Variants in NBPF20 observed in about 807,000 individuals in gnomAD.
NBPF20 encodes the protein NBPF family member NBPF20.
In NBPF20, 90 loss-of-function variants were observed where a neutral mutation model predicts 68.1. The observed-to-expected ratio is 1.32, with a 90% CI of 1.11 to 1.58. NBPF20 has a LOEUF of 1.58. Among genes scored for constraint, NBPF20 ranks in the 40% most tolerant of loss-of-function variants. The probability of loss-of-function intolerance (pLI) is 0.00; values close to 1 mark genes in which losing one functional copy is unlikely to be tolerated. For synonymous variants in NBPF20, 290 were observed against 228.1 expected (o/e 1.27, Z -2.45); for missense variants, 816 against 601.2 (o/e 1.36, Z -3.74).
chr1:145,393,516 G>T (rs1327610915), intron 9 of NBPF20, among the ~76,000 whole-genome samples: 1 of 151,592 alleles, frequency 6.6e-6, no homozygotes, highest in Non-Finnish European at 1.5e-5. Flanking sequence ...AATTGGTCAG[G>T]TGACACACTG....
At position 145,393,337 on chromosome 1, in the gene NBPF20, T is replaced by A. The variant is rs1274106636; in HGVS notation, c.1044-91A>T. 7.3e-6 allele frequency: 5 copies of A among 687,672 alleles called. No homozygotes were observed. In the African/African-American group the frequency reaches 9.2e-5, roughly 13 times the overall value. The allele number at this position is 687,672 out of a possible 1,614,324, so 42.6% of individuals were successfully genotyped here. ...ATTTCATGGCTAACGTAAGGAAGAG[T>A]TTGAAAAGAAAAAGGACAGATCCAT... On this transcript the variant is annotated intron_variant, in intron 9 of 137. Coordinates refer to ENST00000369373, the Ensembl canonical transcript of NBPF20.
chr1:145,417,502 C>T, the NBPF20 span, among the ~76,000 whole-genome samples: 1 of 146,622 alleles, frequency 6.8e-6, no homozygotes, highest in Non-Finnish European at 1.5e-5. Flanking sequence ...GTGTGAAAGA[C>T]ACTGTTAAGA....
the NBPF20 span, among the ~76,000 whole-genome samples, chr1:145,421,578 A>G: frequency 6.6e-6 from 1 of 152,160 alleles, no homozygotes; most frequent in Non-Finnish European, 1.5e-5. Flanking sequence ...AGTACTGAGA[A>G]TACAGTGGTG....
At chr1:145,400,149 C>G (rs1662449613) in intron 6 of NBPF20, among the ~76,000 whole-genome samples, 1 of 152,138 alleles carries the variant, frequency 6.6e-6, no homozygotes, top group African/African-American at 2.4e-5. Flanking sequence ...GCCTGTGCAC[C>G]TCCTGCACTC....
chr1:145,402,231 G>A (rs1662555116), exon 4 of NBPF20: 2 of 1,607,132 alleles, frequency 1.2e-6, no homozygotes, highest in South Asian at 1.1e-5. Flanking sequence ...GTTCTTGGAG[G>A]TCCTGCCCCT....
chr1:145,412,257 T>C, the NBPF20 span, among the ~76,000 whole-genome samples: 1 of 152,050 alleles, frequency 6.6e-6, no homozygotes, highest in Non-Finnish European at 1.5e-5. Context: ...TTTCGGCTAC[T>C]TTGTTTTTGG....
intron 9 of NBPF20, chr1:145,393,659 C>G: frequency 7.9e-7 from 1 of 1,262,382 alleles, no homozygotes; most frequent in African/African-American, 1.5e-5. Flanking sequence ...GAGAATACAG[C>G]TTTTGAGTTA....
At chr1:145,398,501 C>T (rs1662365758) in intron 7 of NBPF20, among the ~76,000 whole-genome samples, 1 of 152,074 alleles carries the variant, frequency 6.6e-6, no homozygotes, top group Admixed American at 6.5e-5. Context: ...AAAATGAAGG[C>T]AGAAATAAAG....
At chr1:145,400,255 A>G (rs1662455580) in intron 6 of NBPF20, 134 bp downstream of exon 11, 13 of 1,582,258 alleles carry the variant, frequency 8.2e-6, no homozygotes, top group Admixed American at 1.8e-5. Flanking sequence ...AAGGACAAAA[A>G]AAGTCCCTGA....
At chr1:145,352,274 GA>G (rs1661654872) in intron 61 of NBPF20, among the ~76,000 whole-genome samples, 185 bp from the exon 67 acceptor site, 2 of 83,150 alleles carry the variant, frequency 2.4e-5, no homozygotes, top group African/African-American at 4.6e-5. Flanking sequence ...GAATGAAAGA[GA>G]AAGACAGATA....
At chr1:145,402,987 C>T (rs1427186569) in intron 3 of NBPF20, among the ~76,000 whole-genome samples, 1 of 151,768 alleles carries the variant, frequency 6.6e-6, no homozygotes, top group Admixed American at 6.6e-5. Context: ...TTCACATCAA[C>T]AATTACTTGT....
chr1:145,414,766 C>G, the NBPF20 span, among the ~76,000 whole-genome samples: 1 of 135,860 alleles, frequency 7.4e-6, no homozygotes, highest in South Asian at 2.8e-4. Flanking sequence ...TGTGGCTGTT[C>G]CAGAGCCCTT....
At chr1:145,393,037 CAG>C in intron 10 of NBPF20, 35 bp downstream of exon 15, 1 of 478,180 alleles carries the variant, frequency 2.1e-6, no homozygotes, top group South Asian at 2.1e-5. Flanking sequence ...CCAGAAGACT[CAG>C]TGGATCCTTA....
At chr1:145,425,525 C>A in the NBPF20 span, among the ~76,000 whole-genome samples, 2 of 152,244 alleles carry the variant, frequency 1.3e-5, no homozygotes, top group Non-Finnish European at 2.9e-5. Context: ...CTACCCCTCC[C>A]AATATCGCCG....
At chr1:145,407,381 T>TATATATACACGTGTATATATATTATACAC (rs1553667850), upstream of NBPF20, among the ~76,000 whole-genome samples, 13 of 144,378 alleles carry the variant, frequency 9.0e-5, no homozygotes, top group Admixed American at 4.2e-4. Flanking sequence ...ATATATATAA[T>TATATATACACGTGTATATATATTATACAC]ATATATACAC....
intron 7 of NBPF20, among the ~76,000 whole-genome samples, chr1:145,397,358 T>C: frequency 6.6e-6 from 1 of 152,328 alleles, no homozygotes; most frequent in South Asian, 2.1e-4. Flanking sequence ...CCTTCCACAA[T>C]CGTTGAACTA....
rs1558961932 is a variant in NBPF20, at chr1:145,292,403, CTTCTTCCCCTTCTT to C, written c.16661_16674del (p.Lys5554ArgfsTer20). ...CACCTGGGGCATGGTGGGTTTTGAT[CTTCTTCCCCTTCTT>C]TTCTTCCCCTTCTTCTTTTCTTCTT... On this transcript the variant is annotated frameshift_variant, in exon 137 of 138. Coordinates refer to ENST00000369373, the Ensembl canonical transcript of NBPF20. LOFTEE classifies it high-confidence loss of function. 5.9e-6 allele frequency: 4 copies of C among 683,314 alleles called. No individual in the cohort carries two copies. The highest frequency in any genetic ancestry group is 2.0e-5 in the African/African-American group (1 of 49,494). The allele number at this position is 683,314 out of a possible 1,614,324, so 42.3% of individuals were successfully genotyped here.
the NBPF20 span, among the ~76,000 whole-genome samples, chr1:145,419,333 G>A: frequency 1.3e-5 from 2 of 152,160 alleles, no homozygotes; most frequent in East Asian, 1.9e-4. Flanking sequence ...ACAGGAACAC[G>A]CTAACTAGTT....
At chr1:145,298,343 CACACACACACACAG>C (rs1661340106) in intron 129 of NBPF20, among the ~76,000 whole-genome samples, 10 of 141,828 alleles carry the variant, frequency 7.1e-5, no homozygotes, top group Non-Finnish European at 9.0e-5. Context: ...CACACACACA[CACACACACACACAG>C]ACACACACAC....
Sources: gnomAD v4.1 joint callset for allele counts (sites outside exome capture counted in the v4.1 genomes callset) on GRCh38, gnomAD v4.1.1 for gene constraint, MANE v1.5 for transcripts, NCBI Gene and HGNC (gene_info 2026-07-23, HGNC 2026-07-21) for gene names.